The following TRDN variants were observed in gnomAD, a reference collection of about 807,000 sequenced individuals.
TRDN encodes triadin in skeletal muscle.
In TRDN, 161 loss-of-function variants were observed where a neutral mutation model predicts 149.7. The observed-to-expected ratio is 1.08, with a 90% CI of 0.95 to 1.23. TRDN has a LOEUF of 1.23. TRDN is among the 50% of genes most tolerant of loss of function. The probability of loss-of-function intolerance (pLI) is 0.00; values close to 1 mark genes in which losing one functional copy is unlikely to be tolerated. For missense variants in TRDN, 896 were observed against 823.5 expected, an observed-to-expected ratio of 1.09 and a Z score of -1.08; for synonymous variants, 294 against 250.5, an observed-to-expected ratio of 1.17 and a Z score of -1.64.
chr6:123,434,318 G>C (rs1774464644), intron 12 of TRDN, among the ~76,000 whole-genome samples: 1 of 152,178 alleles, frequency 6.6e-6, no homozygotes, highest in Non-Finnish European at 1.5e-5. Context: ...CTTGCAGCCA[G>C]AGTTCTGGAG....
intron 20 of TRDN, among the ~76,000 whole-genome samples, chr6:123,358,727 C>T (rs1780788231): frequency 1.3e-5 from 2 of 152,176 alleles, no homozygotes; most frequent in South Asian, 4.1e-4. Flanking sequence ...AGGTGATTCA[C>T]CTGCCTCGGC....
chr6:123,243,867 G>C (rs1776078451), intron 38 of TRDN, among the ~76,000 whole-genome samples: 1 of 152,082 alleles, frequency 6.6e-6, no homozygotes, highest in South Asian at 2.1e-4. Flanking sequence ...AAGAGGGTTG[G>C]AAAGGGTTAG....
chr6:123,476,976 T>A (rs1379427221), intron 9 of TRDN, among the ~76,000 whole-genome samples: 4 of 125,972 alleles, frequency 3.2e-5, no homozygotes, highest in Admixed American at 8.3e-5. Context: ...AACCTAGGCA[T>A]TACCATTCAG....
At chr6:123,350,024 C>T (rs189542314) in intron 21 of TRDN, 29 of 985,232 alleles carry the variant, frequency 2.9e-5, no homozygotes, top group African/African-American at 1.2e-4. Context: ...TGAAACATTC[C>T]TTAATTTAAG....
intron 22 of TRDN, among the ~76,000 whole-genome samples, chr6:123,336,605 T>C (rs1582888093): frequency 6.6e-6 from 1 of 152,036 alleles, no homozygotes; most frequent in East Asian, 1.9e-4. Context: ...TTTAATTATG[T>C]TATTAATACT....
At chr6:123,615,806 T>G (rs914641264) in intron 1 of TRDN, among the ~76,000 whole-genome samples, 1 of 152,086 alleles carries the variant, frequency 6.6e-6, no homozygotes, top group Admixed American at 6.6e-5. Flanking sequence ...TCCAGCTAGA[T>G]AGGAGGAATA....
intron 21 of TRDN, chr6:123,351,894 A>C: frequency 1.0e-6 from 1 of 985,014 alleles, no homozygotes; most frequent in Non-Finnish European, 1.2e-6. Context: ...ATCACTTTAA[A>C]TGTTTTAAGT....
At chr6:123,281,457 T>C (rs983482058) in intron 24 of TRDN, among the ~76,000 whole-genome samples, 1 of 152,028 alleles carries the variant, frequency 6.6e-6, no homozygotes, top group Non-Finnish European at 1.5e-5. Context: ...TTTAGGGACA[T>C]AGCTATGTGC....
chr6:123,548,856 G>GA (rs962961917), intron 2 of TRDN, among the ~76,000 whole-genome samples: 17 of 151,726 alleles, frequency 1.1e-4, no homozygotes, highest in African/African-American at 2.9e-4. Flanking sequence ...GTTAGCACTG[G>GA]AAAAAAAATT....
At chr6:123,399,798 A>G (rs1772885559) in intron 12 of TRDN, among the ~76,000 whole-genome samples, 1 of 152,144 alleles carries the variant, frequency 6.6e-6, no homozygotes, top group Non-Finnish European at 1.5e-5. Context: ...ATTCATTTGT[A>G]TTATTAAGAC....
In TRDN at chr6:123,266,573, A is replaced by G. The variant is rs191332260; in HGVS notation, c.1783+1134T>C. ...GTATTATATATAATATATATATTAT[A>G]ATATGTATTATATATAATATATATA... On this transcript the variant is annotated intron_variant, in intron 32 of 40. Transcript: ENST00000334268. Among the ~76,000 whole-genome samples, 16 of 40,296 alleles carry G rather than the reference A, an allele frequency of 4.0e-4. 1 individual carries two copies. The highest frequency in any genetic ancestry group is 9.6e-4 in the Admixed American group (2 of 2,078). 26.4% of individuals were successfully genotyped at this position (40,296 alleles called of 152,430 possible).
intron 2 of TRDN, among the ~76,000 whole-genome samples, chr6:123,565,232 G>A (rs1399789862): frequency 6.6e-6 from 1 of 152,168 alleles, no homozygotes; most frequent in Non-Finnish European, 1.5e-5. Flanking sequence ...GGCTGAGTCT[G>A]CAGAAGCTTG....
intron 19 of TRDN, among the ~76,000 whole-genome samples, chr6:123,367,198 A>G (rs1490215512): frequency 6.6e-6 from 1 of 152,092 alleles, no homozygotes; most frequent in Non-Finnish European, 1.5e-5. Context: ...GTCCACAGGA[A>G]AATAAAATAA....
chr6:123,558,642 T>A (rs1326836588), intron 2 of TRDN, among the ~76,000 whole-genome samples: 1 of 152,222 alleles, frequency 6.6e-6, no homozygotes. Flanking sequence ...TCAATATACA[T>A]TTTATTACCC....
intron 37 of TRDN, among the ~76,000 whole-genome samples, 188 bp from the exon 38 acceptor site, chr6:123,252,623 A>T (rs947369689): frequency 2.6e-5 from 4 of 152,038 alleles, no homozygotes; most frequent in Non-Finnish European, 2.9e-5. Context: ...TTAATTTTTT[A>T]AAATTTTTAT....
rs1781433132 is a variant in TRDN, at chr6:123,374,472, T to A, written c.1273+1133A>T. Among the ~76,000 whole-genome samples, 3 of 152,152 alleles carry A rather than the reference T, an allele frequency of 2.0e-5. No individual in the cohort carries two copies. In the South Asian group the frequency reaches 6.2e-4, roughly 31 times the overall value. On this transcript the variant is annotated intron_variant, in intron 19 of 40. Transcript: ENST00000334268. ...TATAGAGTTCCAATCAGCTTTACAT[T>A]TAACTAAAAATTTTCATGGAAATAT...
chr6:123,398,308 C>T (rs954304096), intron 12 of TRDN, among the ~76,000 whole-genome samples: 4 of 152,080 alleles, frequency 2.6e-5, no homozygotes, highest in South Asian at 4.1e-4. Context: ...CCTGGCCGAC[C>T]GTTCTTATTT....
intron 9 of TRDN, among the ~76,000 whole-genome samples, chr6:123,478,005 G>A (rs200779407): frequency 3.3e-5 from 5 of 150,892 alleles, no homozygotes; most frequent in Admixed American, 1.3e-4. Context: ...ACATGTATAC[G>A]TATGTAACTA....
At position 123,253,294 on chromosome 6, in the gene TRDN, A is replaced by G. The variant is rs1340092340; in HGVS notation, c.1952-859T>C. ...CTAGTAACAGTTCCATTCTAACATT[A>G]GTCTCATTTAAAGAGCCAGACTAGA... On this transcript the variant is annotated intron_variant, in intron 37 of 40. Coordinates refer to ENST00000334268, the MANE Select transcript of TRDN (RefSeq NM_006073.4). 2.0e-5 allele frequency among the ~76,000 whole-genome samples: 3 copies of G among 152,188 alleles called. No individual in the cohort carries two copies. In the East Asian group the frequency reaches 5.8e-4, roughly 29 times the overall value.
Sources: gnomAD v4.1 joint callset for allele counts (sites outside exome capture counted in the v4.1 genomes callset) on GRCh38, gnomAD v4.1.1 for gene constraint, MANE v1.5 for transcripts, NCBI Gene and HGNC (gene_info 2026-07-23, HGNC 2026-07-21) for gene names.